MALRD1: variants seen among roughly 807,000 people sequenced by gnomAD.
The protein encoded by MALRD1 is MAM and LDL-receptor class A domain-containing protein 1.
In MALRD1, 247 loss-of-function variants were observed where a neutral mutation model predicts 242.1. The observed-to-expected ratio is 1.02, with a 90% CI of 0.92 to 1.13. The LOEUF is 1.13. Among genes scored for constraint, MALRD1 ranks in the 50% most tolerant of loss-of-function variants. MALRD1 has a pLI of 0.00. For synonymous variants in MALRD1, 995 were observed against 866.6 expected (o/e 1.15, Z -2.60); for missense variants, 2,989 against 2,533.1 (o/e 1.18, Z -3.86).
chr10:19,148,894 G>C (rs1393554363), intron 11 of MALRD1, among the ~76,000 whole-genome samples: 2 of 150,524 alleles, frequency 1.3e-5, no homozygotes, highest in Non-Finnish European at 3.0e-5. Flanking sequence ...TAAATTGCAA[G>C]TGAGGAGGAG....
At chr10:19,501,020 C>T (rs376207615) in intron 31 of MALRD1, among the ~76,000 whole-genome samples, 52 of 152,194 alleles carry the variant, frequency 3.4e-4, no homozygotes, top group Middle Eastern at 3.4e-3. Flanking sequence ...GAATGGAGTA[C>T]ATAGGAGTGT....
chr10:19,359,676 G>GA (rs965280808), intron 26 of MALRD1, among the ~76,000 whole-genome samples: 66 of 146,088 alleles, frequency 4.5e-4, no homozygotes, highest in Middle Eastern at 3.5e-3. Flanking sequence ...CAAAGCAAGT[G>GA]AAAAAAAAAG....
intron 36 of MALRD1, among the ~76,000 whole-genome samples, chr10:19,655,176 C>G (rs552722437): frequency 3.5e-4 from 53 of 151,294 alleles, no homozygotes; most frequent in Admixed American, 5.9e-4. Flanking sequence ...GTTTTTTGTT[C>G]TTGTTGTTGT....
At chr10:19,398,779 G>A (rs537457086) in intron 28 of MALRD1, among the ~76,000 whole-genome samples, 1 of 152,228 alleles carries the variant, frequency 6.6e-6, no homozygotes, top group South Asian at 2.1e-4. Context: ...TGTCTGCACA[G>A]GAATTTCTTA....
chr10:19,327,568 C>G lies in MALRD1; in HGVS notation c.3582C>G (p.Leu1194=), dbSNP rs1422072689. 1.9e-6 allele frequency: 3 copies of G among 1,548,430 alleles called. No individual in the cohort carries two copies. In the South Asian group the frequency reaches 3.6e-5, roughly 18 times the overall value. ...TACTTGATTTATCTCTATAGGTGCT[C>G]ATCAAGAAAGATAACGTTACTTCTA... ...NGATVGSLQV[L]IKKDNVTSKL... Residue 1194 remains leucine (L), a synonymous_variant, in exon 23 of 40, where the codon CTC becomes CTG. Transcript: ENST00000454679.
At chr10:19,159,579 G>A (rs1178447494) in intron 12 of MALRD1, among the ~76,000 whole-genome samples, 1 of 151,890 alleles carries the variant, frequency 6.6e-6, no homozygotes, top group Non-Finnish European at 1.5e-5. Flanking sequence ...CCACAGGGAA[G>A]TTGAGAAAAT....
intron 28 of MALRD1, among the ~76,000 whole-genome samples, chr10:19,405,753 T>A (rs1293836279): frequency 6.6e-6 from 1 of 152,206 alleles, no homozygotes; most frequent in Non-Finnish European, 1.5e-5. Flanking sequence ...TTCCTTTGAA[T>A]CTTTTAAAGG....
intron 38 of MALRD1, among the ~76,000 whole-genome samples, chr10:19,713,119 C>T (rs954983315): frequency 5.3e-5 from 8 of 152,086 alleles, no homozygotes; most frequent in African/African-American, 1.9e-4. Flanking sequence ...CTTTCTTCTA[C>T]CTTCTTCCTT....
chr10:19,341,497 T>C (rs1843863495), intron 24 of MALRD1, among the ~76,000 whole-genome samples: 1 of 142,916 alleles, frequency 7.0e-6, no homozygotes, highest in African/African-American at 2.7e-5. Flanking sequence ...TATATATGTA[T>C]ATATGTATAT....
In MALRD1 at chr10:19,209,458, A is replaced by C; in HGVS notation, c.2769A>C (p.Gln923His). ...YIESSEPQAF[Q>H]DSAALLSPIL... is the part of the protein sequence containing the mutation. ...AATCTTCAGAGCCACAGGCTTTTCAAGACAGTGCTGCCTTACTCAGCCCAA... is the reference window on the plus strand; with the variant it reads ...AATCTTCAGAGCCACAGGCTTTTCACGACAGTGCTGCCTTACTCAGCCCAA... Residue 923 changes from glutamine to histidine, a missense_variant, in exon 18 of 40, where the codon CAA becomes CAC. Gln to His is a conservative substitution (Grantham distance 24). Transcript: ENST00000454679. 6.4e-7 allele frequency: 1 copy of C among 1,550,946 alleles called. No individual in the cohort carries two copies. Among genetic ancestry groups the C allele is most frequent in the Non-Finnish European group, 8.7e-7 (1 of 1,147,066 alleles).
At chr10:19,628,931 C>T (rs1839795307) in intron 36 of MALRD1, among the ~76,000 whole-genome samples, 1 of 152,090 alleles carries the variant, frequency 6.6e-6, no homozygotes, top group African/African-American at 2.4e-5. Flanking sequence ...CACTTTCTGC[C>T]TCCTGCAGAG....
chr10:19,361,964 C>G (rs1206531467), intron 26 of MALRD1, among the ~76,000 whole-genome samples: 1 of 152,066 alleles, frequency 6.6e-6, no homozygotes, highest in East Asian at 1.9e-4. Context: ...AAGAAAGTGC[C>G]CCAAATTTTA....
At chr10:19,064,727 A>G (rs956564458) in intron 1 of MALRD1, among the ~76,000 whole-genome samples, 2 of 148,452 alleles carry the variant, frequency 1.3e-5, no homozygotes, top group Non-Finnish European at 3.0e-5. Context: ...CCAAGATTGC[A>G]CCACTGCACT....
intron 5 of MALRD1, among the ~76,000 whole-genome samples, chr10:19,114,408 G>A (rs139427017): frequency 0.013 from 1,947 of 152,184 alleles, 37 homozygotes; most frequent in African/African-American, 0.043. Context: ...AGGCTGAGGT[G>A]GGCAGATCAC....
chr10:19,717,682 A>G (rs964161860), intron 38 of MALRD1, among the ~76,000 whole-genome samples: 1 of 152,142 alleles, frequency 6.6e-6, no homozygotes, highest in South Asian at 2.1e-4. Flanking sequence ...TTTGAAAACC[A>G]CAGCCTGTGT....
At chr10:19,722,216 G>T (rs537748440) in intron 38 of MALRD1, 2 of 152,264 alleles carry the variant, frequency 1.3e-5, no homozygotes, top group African/African-American at 4.8e-5. Flanking sequence ...AAGAATCTCA[G>T]TTGCTCCATC....
intron 11 of MALRD1, among the ~76,000 whole-genome samples, chr10:19,148,374 GAGAAA>G (rs1254900797): frequency 6.6e-6 from 1 of 152,048 alleles, no homozygotes; most frequent in African/African-American, 2.4e-5. Flanking sequence ...ATAGAAAATA[GAGAAA>G]AGAAAAGTAG....
At chr10:19,724,987 A>T (rs947177818) in intron 38 of MALRD1, 1 of 152,208 alleles carries the variant, frequency 6.6e-6, no homozygotes, top group African/African-American at 2.4e-5. Flanking sequence ...AGCATCTAAA[A>T]GAATAAAATA....
At chr10:19,163,321 TA>T (rs989858441) in intron 12 of MALRD1, among the ~76,000 whole-genome samples, 1 of 151,732 alleles carries the variant, frequency 6.6e-6, no homozygotes, top group African/African-American at 2.4e-5. Flanking sequence ...TATGCAGCCA[TA>T]AAAAAAGAAC....
Sources: gnomAD v4.1 joint callset for allele counts (sites outside exome capture counted in the v4.1 genomes callset) on GRCh38, gnomAD v4.1.1 for gene constraint, MANE v1.5 for transcripts, NCBI Gene and HGNC (gene_info 2026-07-23, HGNC 2026-07-21) for gene names.